Variants in CCDC93 observed in about 807,000 individuals in gnomAD.
The protein encoded by CCDC93 is CCC complex scaffolding subunit CCDC93, also known as coiled-coil domain-containing protein 93.
CCDC93 carries 61 observed loss-of-function variants against 108.2 expected under a neutral mutation model. The ratio of observed to expected loss-of-function variants is 0.56; its 90% CI spans 0.46 to 0.70. The LOEUF is 0.70. Ranked by LOEUF, CCDC93 falls within the 30% of genes least tolerant of loss-of-function variation. CCDC93 has a pLI of 0.00. For missense variants in CCDC93, 685 were observed against 764.2 expected (o/e 0.90, Z 1.22); for synonymous variants, 276 against 260.4 (o/e 1.06, Z -0.58).
At chr2:117,944,296 T>C (rs1015042457) in intron 17 of CCDC93, among the ~76,000 whole-genome samples, 2 of 152,238 alleles carry the variant, frequency 1.3e-5, no homozygotes, top group African/African-American at 4.8e-5. Context: ...CTCTTCCTTC[T>C]GGGACCCAGG....
chr2:117,982,725 G>T (rs1029188723), intron 7 of CCDC93, among the ~76,000 whole-genome samples: 1 of 144,710 alleles, frequency 6.9e-6, no homozygotes, highest in African/African-American at 2.6e-5. Context: ...GAGAGATCTG[G>T]ACTCCTAAAG....
In CCDC93 at chr2:117,917,982, T is replaced by A. The variant is rs1677739301; in HGVS notation, c.*2361A>T. 1 of 152,194 alleles carries A rather than the reference T, an allele frequency of 6.6e-6. No individual in the cohort carries two copies. The highest frequency in any genetic ancestry group is 1.5e-5 in the Non-Finnish European group (1 of 68,076). The allele number at this position is 152,194 out of a possible 1,614,324, so 9.4% of individuals were successfully genotyped here. ...ATTTTGAAAAAGTAACTTAAGGATG[T>A]TCTTGCTTCCTTTTAACTCCGGAGA... is the stretch of plus-strand genomic sequence containing the variant. On this transcript the variant is annotated 3_prime_UTR_variant, in exon 24 of 24. Coordinates refer to ENST00000376300, the MANE Select transcript of CCDC93 (RefSeq NM_019044.5).
At chr2:118,005,366 C>T (rs1676836696) in intron 3 of CCDC93, among the ~76,000 whole-genome samples, 1 of 152,182 alleles carries the variant, frequency 6.6e-6, no homozygotes, top group Non-Finnish European at 1.5e-5. Flanking sequence ...AATACCAGCA[C>T]ATCAAGAGTG....
At chr2:117,967,071 C>A (rs369712676) in intron 11 of CCDC93, among the ~76,000 whole-genome samples, 78 of 152,314 alleles carry the variant, frequency 5.1e-4, no homozygotes, top group African/African-American at 1.7e-3. Flanking sequence ...CAGCTCACTG[C>A]AACCTCCGCC....
chr2:118,010,746 C>T (rs931803415), intron 1 of CCDC93, among the ~76,000 whole-genome samples: 1 of 152,182 alleles, frequency 6.6e-6, no homozygotes, highest in African/African-American at 2.4e-5. Context: ...AGATCTTTGG[C>T]CACCAAACTA....
At position 117,979,168 on chromosome 2, in the gene CCDC93, T is replaced by C. The variant is rs75605456; in HGVS notation, c.621-1138A>G. Among the ~76,000 whole-genome samples the C allele has an allele frequency of 2.6e-5, 4 of 152,178 alleles. No homozygotes were observed. In the East Asian group the frequency reaches 7.7e-4, roughly 29 times the overall value. On this transcript the variant is annotated intron_variant, in intron 7 of 23. Coordinates refer to ENST00000376300, the MANE Select transcript of CCDC93 (RefSeq NM_019044.5). The stretch of plus-strand genomic sequence containing the variant: ...CATTGGCCTGATGCACATTTATCAA[T>C]GGCAGGCCTCTTCCCTCAGAAGAAA...
At chr2:117,979,058 C>G (rs1680033126) in intron 7 of CCDC93, among the ~76,000 whole-genome samples, 2 of 152,268 alleles carry the variant, frequency 1.3e-5, no homozygotes, top group East Asian at 3.9e-4. Context: ...CTCTGTGCCT[C>G]ACTTCTGGGT....
chr2:118,008,917 T>G, intron 1 of CCDC93: 3 of 360,026 alleles, frequency 8.3e-6, no homozygotes, highest in Non-Finnish European at 1.0e-5. Flanking sequence ...TAGTATATAC[T>G]ACTCATCACA....
intron 4 of CCDC93, 38 bp from the exon 5 acceptor site, chr2:117,996,400 C>G (rs1244140647): frequency 1.4e-6 from 2 of 1,435,756 alleles, no homozygotes; most frequent in Non-Finnish European, 2.0e-6. Flanking sequence ...TTGCTAAGGA[C>G]AACATCCCAC....
intron 11 of CCDC93, among the ~76,000 whole-genome samples, chr2:117,965,972 G>A (rs577405039): frequency 1.7e-4 from 26 of 152,314 alleles, no homozygotes; most frequent in African/African-American, 6.0e-4. Context: ...TGGAAAAAGT[G>A]TAAGAGTTAC....
At chr2:117,970,086 G>A (rs1041663152) in intron 11 of CCDC93, among the ~76,000 whole-genome samples, 5 of 152,168 alleles carry the variant, frequency 3.3e-5, no homozygotes, top group African/African-American at 1.2e-4. Context: ...GTCTTTGACT[G>A]GAGAGCACTG....
chr2:117,920,799 T>A (rs533491218), intron 23 of CCDC93, among the ~76,000 whole-genome samples: 4 of 152,162 alleles, frequency 2.6e-5, no homozygotes, highest in Non-Finnish European at 5.9e-5. Context: ...CTAGTTTACA[T>A]AGCAGGCAAA....
At chr2:117,982,926 T>C (rs1456451705) in intron 7 of CCDC93, among the ~76,000 whole-genome samples, 2 of 152,024 alleles carry the variant, frequency 1.3e-5, no homozygotes, top group African/African-American at 4.8e-5. Flanking sequence ...GTGTGAAGGG[T>C]AATAAGTGAA....
At chr2:117,951,310 C>G in intron 13 of CCDC93, 3 of 985,310 alleles carry the variant, frequency 3.0e-6, no homozygotes, top group Non-Finnish European at 3.6e-6. Flanking sequence ...CTAATCTGTC[C>G]AAAGGCAAGG....
intron 6 of CCDC93, among the ~76,000 whole-genome samples, chr2:117,986,886 A>T (rs1680336534): frequency 6.6e-6 from 1 of 152,188 alleles, no homozygotes; most frequent in Non-Finnish European, 1.5e-5. Context: ...AGGGAGATGC[A>T]AAATATAATC....
At chr2:117,986,512 C>T (rs1424099406) in intron 6 of CCDC93, among the ~76,000 whole-genome samples, 1 of 152,048 alleles carries the variant, frequency 6.6e-6, no homozygotes, top group Non-Finnish European at 1.5e-5. Flanking sequence ...CTTGTCCCCA[C>T]ATCTCTCTTC....
intron 23 of CCDC93, among the ~76,000 whole-genome samples, chr2:117,926,485 A>G (rs1678105636): frequency 1.3e-5 from 2 of 152,250 alleles, no homozygotes; most frequent in Non-Finnish European, 1.5e-5. Flanking sequence ...AGAATACTAT[A>G]AACACCTCTA....
chr2:117,986,159 TC>T (rs1389433550), intron 6 of CCDC93, 90 bp from the exon 7 acceptor site: 192 of 484,996 alleles, frequency 4.0e-4, no homozygotes, highest in African/African-American at 3.3e-3. Context: ...GGGTATATTC[TC>T]TTTTTTTTTT....
At chr2:117,935,780 C>T in intron 21 of CCDC93, 1 of 423,536 alleles carries the variant, frequency 2.4e-6, no homozygotes. Flanking sequence ...GGAAATTAGC[C>T]TGGTCTTATA....
Sources: allele counts gnomAD v4.1 joint callset (sites outside exome capture counted in the v4.1 genomes callset), GRCh38; gene constraint gnomAD v4.1.1; transcripts MANE v1.5; gene names NCBI Gene and HGNC (gene_info 2026-07-23, HGNC 2026-07-21).